Variants in PDK1 observed in about 807,000 individuals in gnomAD.
The protein encoded by PDK1 is pyruvate dehydrogenase kinase 1.
In PDK1, 39 loss-of-function variants were observed where a neutral mutation model predicts 54.2. That is an observed-to-expected ratio of 0.72 (90% CI 0.56 to 0.94). PDK1 has a LOEUF of 0.94. PDK1 is among the 40% of genes least tolerant of loss of function. PDK1 has a pLI of 0.00. For missense variants in PDK1, 552 were observed against 566.0 expected (o/e 0.98, Z 0.25); for synonymous variants, 221 against 207.1 (o/e 1.07, Z -0.58).
chr2:172,703,768 T>A, the PDK1 span, among the ~76,000 whole-genome samples: 2 of 117,466 alleles, frequency 1.7e-5, no homozygotes, highest in African/African-American at 3.6e-5. Flanking sequence ...CTTTCTTTCT[T>A]TTTTTTTTTT....
At chr2:172,619,694 A>T in the PDK1 span, among the ~76,000 whole-genome samples, 2 of 152,184 alleles carry the variant, frequency 1.3e-5, no homozygotes, top group African/African-American at 2.4e-5. Context: ...TATTGACAGG[A>T]TCTGTGATGA....
chr2:172,719,315 T>A, the PDK1 span, among the ~76,000 whole-genome samples: 1 of 152,244 alleles, frequency 6.6e-6, no homozygotes, highest in Non-Finnish European at 1.5e-5. Context: ...TTTTTATTTC[T>A]CTTTGGTAAA....
the PDK1 span, among the ~76,000 whole-genome samples, chr2:172,700,920 G>A: frequency 6.6e-6 from 1 of 152,102 alleles, no homozygotes; most frequent in African/African-American, 2.4e-5. Context: ...GGAGAATCAG[G>A]CAGGGAGGTT....
At chr2:172,641,441 ATTTTTTTTTTT>A in the PDK1 span, among the ~76,000 whole-genome samples, 4 of 119,556 alleles carry the variant, frequency 3.3e-5, no homozygotes, top group South Asian at 1.1e-3. Context: ...TAACTTGTCC[ATTTTTTTTTTT>A]TTTTTTTGAG....
the PDK1 span, among the ~76,000 whole-genome samples, chr2:172,650,592 G>T: frequency 1.3e-5 from 2 of 151,972 alleles, no homozygotes; most frequent in Admixed American, 6.6e-5. Flanking sequence ...CCCATCTCAC[G>T]TGCAGAGACA....
the PDK1 span, among the ~76,000 whole-genome samples, chr2:172,643,976 C>T: frequency 6.6e-6 from 1 of 152,232 alleles, no homozygotes; most frequent in Non-Finnish European, 1.5e-5. Context: ...CACAGTGACT[C>T]ATGTGTTCCC....
At chr2:172,714,523 G>A in the PDK1 span, among the ~76,000 whole-genome samples, 3 of 151,750 alleles carry the variant, frequency 2.0e-5, no homozygotes, top group Non-Finnish European at 2.9e-5. Flanking sequence ...TTTCTTTATT[G>A]ATAAAGCTGA....
the PDK1 span, among the ~76,000 whole-genome samples, chr2:172,720,004 T>A: frequency 0.036 from 5,483 of 152,250 alleles, 135 homozygotes; most frequent in Non-Finnish European, 0.054. Flanking sequence ...AATGAGCATG[T>A]CTCTTCTTCT....
intron 5 of PDK1, among the ~76,000 whole-genome samples, chr2:172,565,428 C>G (rs1355916274): frequency 6.6e-6 from 1 of 152,096 alleles, no homozygotes; most frequent in East Asian, 1.9e-4. Flanking sequence ...CTCAGCCTCC[C>G]CAGTAGCCGG....
intron 8 of PDK1, 40 bp from the exon 9 acceptor site, chr2:172,586,238 G>A (rs369484746): frequency 6.6e-5 from 81 of 1,222,314 alleles, no homozygotes; most frequent in Non-Finnish European, 3.3e-5. Context: ...TTGCTGTTTT[G>A]AGGATTTGGG....
chr2:172,701,631 GTTTTTTTTTTTGTTTTGTT>G, the PDK1 span, among the ~76,000 whole-genome samples: 2 of 128,578 alleles, frequency 1.6e-5, no homozygotes, highest in Admixed American at 7.8e-5. Context: ...AGTTTATCCT[GTTTTTTTTTTTGTTTTGTT>G]TTTTTTTTTT....
chr2:172,593,635 A>C (rs1420231265), intron 10 of PDK1, among the ~76,000 whole-genome samples: 1 of 152,078 alleles, frequency 6.6e-6, no homozygotes, highest in Non-Finnish European at 1.5e-5. Context: ...TTGCTTATGT[A>C]ATAAATTTTG....
the PDK1 span, chr2:172,674,329 T>G: frequency 6.6e-6 from 1 of 152,408 alleles, no homozygotes; most frequent in South Asian, 2.1e-4. Context: ...AAAGTCGTCC[T>G]GTGAGCTTGG....
At chr2:172,632,646 C>T in the PDK1 span, among the ~76,000 whole-genome samples, 1 of 152,148 alleles carries the variant, frequency 6.6e-6, no homozygotes, top group African/African-American at 2.4e-5. Flanking sequence ...GTTCCCTCCA[C>T]CTGTCTCCTT....
chr2:172,688,604 A>G, the PDK1 span, among the ~76,000 whole-genome samples: 4 of 152,210 alleles, frequency 2.6e-5, no homozygotes, highest in Non-Finnish European at 4.4e-5. Context: ...CAAAATGCCT[A>G]TAAAGGATAA....
chr2:172,564,956 G>A, intron 4 of PDK1, 22 bp from the exon 5 acceptor site: 1 of 1,533,346 alleles, frequency 6.5e-7, no homozygotes, highest in Non-Finnish European at 9.0e-7. Flanking sequence ...TTATTTTGTT[G>A]GTTTTTTTCC....
At chr2:172,689,659 C>A in the PDK1 span, among the ~76,000 whole-genome samples, 5 of 152,092 alleles carry the variant, frequency 3.3e-5, no homozygotes, top group African/African-American at 1.2e-4. Context: ...GAGATATAGA[C>A]CAATGGAACA....
chr2:172,680,103 A>G, the PDK1 span, among the ~76,000 whole-genome samples: 1 of 152,234 alleles, frequency 6.6e-6, no homozygotes, highest in African/African-American at 2.4e-5. Context: ...CTTGACCCCC[A>G]AGTTCAACCC....
rs1691054736 is a variant in PDK1 at position 172,599,865 on chromosome 2, G to T, written c.*3896G>T. ...TCTTTTTGGTTGACTTGGAAAAGCT[G>T]TTGTTTATATTGGGAATTGTGACAG... On this transcript the variant is annotated 3_prime_UTR_variant, in exon 11 of 11. Transcript: ENST00000282077. 1 of 152,098 alleles carries T rather than the reference G, an allele frequency of 6.6e-6. No individual in the cohort carries two copies. 9.4% of individuals were successfully genotyped at this position (152,098 alleles called of 1,614,324 possible).
Sources: gnomAD v4.1 joint callset for allele counts (sites outside exome capture counted in the v4.1 genomes callset) on GRCh38, gnomAD v4.1.1 for gene constraint, MANE v1.5 for transcripts, NCBI Gene and HGNC (gene_info 2026-07-23, HGNC 2026-07-21) for gene names.